GPR173: variants seen among roughly 807,000 people sequenced by gnomAD.
The protein encoded by GPR173 is probable G protein-coupled receptor 173.
Under a neutral mutation model 13.9 loss-of-function variants are expected in GPR173, and 2 were observed. That is an observed-to-expected ratio of 0.14 (90% CI 0.06 to 0.45). The LOEUF (loss-of-function observed/expected upper bound fraction) is 0.45. Ranked by LOEUF, GPR173 falls within the 20% of genes least tolerant of loss-of-function variation. The probability of loss-of-function intolerance (pLI) is 0.98; values close to 1 mark genes in which losing one functional copy is unlikely to be tolerated. For synonymous variants in GPR173, 131 were observed against 141.0 expected, an observed-to-expected ratio of 0.93 and a Z score of 0.50; for missense variants, 202 against 340.5, an observed-to-expected ratio of 0.59 and a Z score of 3.20.
At chrX:53,061,320 T>C (rs1932123852) in intron 1 of GPR173, among the ~76,000 whole-genome samples, 1 of 111,755 alleles carries the variant, frequency 8.9e-6, no homozygotes, top group Non-Finnish European at 1.9e-5. Flanking sequence ...GGTATCTACA[T>C]GCATGCCTAG....
intron 1 of GPR173, among the ~76,000 whole-genome samples, chrX:53,054,139 T>C (rs1333323275): frequency 2.2e-5 from 2 of 92,671 alleles, no homozygotes; most frequent in Non-Finnish European, 4.1e-5. Flanking sequence ...CTTAATAGAG[T>C]GTGTGTGTAT....
At chrX:53,075,470 G>A (rs782250671) in intron 1 of GPR173, among the ~76,000 whole-genome samples, 9 of 104,162 alleles carry the variant, frequency 8.6e-5, no homozygotes, top group South Asian at 9.0e-4. Flanking sequence ...CACAAGGGCC[G>A]GGATCTTTAT....
intron 1 of GPR173, among the ~76,000 whole-genome samples, chrX:53,073,118 G>A (rs369064991): frequency 3.7e-5 from 4 of 109,394 alleles, no homozygotes; most frequent in African/African-American, 1.3e-4. Context: ...CCGGCTACTC[G>A]GGAGGCTGAG....
rs185094070 is a variant in GPR173 at position 53,053,443 on chromosome X, A to C, written c.-98+3959A>C. 8.0e-5 allele frequency among the ~76,000 whole-genome samples: 9 copies of C among 112,936 alleles called. No individual in the cohort carries two copies. In the East Asian group the frequency reaches 2.2e-3, roughly 28 times the overall value. On this transcript the variant is annotated intron_variant, in intron 1 of 1. Coordinates refer to ENST00000332582, the MANE Select transcript of GPR173 (RefSeq NM_018969.6). ...GTATGTACCCCTGTGTTTGTGAGTG[A>C]ATGTACGTCATTCATGGGCATTATG...
chrX:53,050,250 G>A (rs1931939455), intron 1 of GPR173, among the ~76,000 whole-genome samples: 1 of 111,174 alleles, frequency 9.0e-6, no homozygotes, highest in Admixed American at 9.5e-5. Context: ...TTCTGTGGGG[G>A]CAAAGACCAA....
intron 1 of GPR173, among the ~76,000 whole-genome samples, chrX:53,070,021 G>A (rs2146680078): frequency 9.0e-6 from 1 of 110,890 alleles, no homozygotes; most frequent in South Asian, 3.8e-4. Context: ...ATGTGTGTGT[G>A]TATACACACA....
chrX:53,070,342 G>A (rs1171042714), intron 1 of GPR173, among the ~76,000 whole-genome samples: 1 of 111,570 alleles, frequency 9.0e-6, no homozygotes, highest in Non-Finnish European at 1.9e-5. Flanking sequence ...CATTGCATGT[G>A]TGTGAGTGTG....
chrX:53,058,097 A>G (rs1556803362), intron 1 of GPR173, among the ~76,000 whole-genome samples: 1 of 112,443 alleles, frequency 8.9e-6, no homozygotes, highest in African/African-American at 3.2e-5. Context: ...CATGTGAGAA[A>G]GGAAGCATGT....
intron 1 of GPR173, among the ~76,000 whole-genome samples, chrX:53,057,054 T>C (rs1932048613): frequency 8.9e-6 from 1 of 111,916 alleles, no homozygotes; most frequent in Non-Finnish European, 1.9e-5. Flanking sequence ...CAAAGCCCCA[T>C]TGTCTTATCT....
chrX:53,067,700 T>A (rs1024929496), intron 1 of GPR173, among the ~76,000 whole-genome samples: 2 of 110,413 alleles, frequency 1.8e-5, no homozygotes, highest in African/African-American at 6.6e-5. Flanking sequence ...GGCAGGTGCC[T>A]GTAGTCCCAG....
chrX:53,052,782 C>T, intron 1 of GPR173, among the ~76,000 whole-genome samples: 1 of 111,458 alleles, frequency 9.0e-6, no homozygotes, highest in Non-Finnish European at 1.9e-5. Context: ...TGTTGTAGAA[C>T]ACAATGTAAG....
intron 1 of GPR173, among the ~76,000 whole-genome samples, chrX:53,073,821 TAA>T (rs1306273918): frequency 4.2e-3 from 313 of 74,039 alleles, no homozygotes; most frequent in Non-Finnish European, 6.8e-3. Flanking sequence ...TTTATATATA[TAA>T]AAAAGTTTGT....
At chrX:53,061,613 T>C (rs1932126696) in intron 1 of GPR173, among the ~76,000 whole-genome samples, 2 of 111,736 alleles carry the variant, frequency 1.8e-5, no homozygotes, top group Non-Finnish European at 3.8e-5. Context: ...AAAAGGAATT[T>C]CTTACATTTT....
intron 1 of GPR173, among the ~76,000 whole-genome samples, chrX:53,056,960 G>A (rs1932047690): frequency 9.0e-6 from 1 of 111,566 alleles, no homozygotes; most frequent in Non-Finnish European, 1.9e-5. Context: ...GGATCTGCAA[G>A]GTCTCTGGAG....
At chrX:53,075,234 G>A (rs969849542) in intron 1 of GPR173, among the ~76,000 whole-genome samples, 19 of 106,557 alleles carry the variant, frequency 1.8e-4, no homozygotes, top group African/African-American at 6.5e-4. Context: ...TCTCTTCCCC[G>A]AGATATCCGC....
chrX:53,052,576 T>C (rs1175507514), intron 1 of GPR173, among the ~76,000 whole-genome samples: 5 of 105,678 alleles, frequency 4.7e-5, no homozygotes, highest in Non-Finnish European at 9.6e-5. Context: ...TACACATATG[T>C]CCACACACAT....
At chrX:53,076,429 C>CCTGTCTCTCTCTTGCCCTCATCTCT (rs1345110228) in intron 1 of GPR173, 96 bp from the exon 2 acceptor site, 16 of 370,083 alleles carry the variant, frequency 4.3e-5, no homozygotes, top group African/African-American at 7.7e-5. Flanking sequence ...TGTTTTTCTG[C>CCTGTCTCTCTCTTGCCCTCATCTCT]CTGTCTCTCT....
At chrX:53,062,944 C>G in intron 1 of GPR173, among the ~76,000 whole-genome samples, 1 of 111,901 alleles carries the variant, frequency 8.9e-6, no homozygotes, top group Non-Finnish European at 1.9e-5. Context: ...TATGGCTTTG[C>G]TGGGCTCAGT....
chrX:53,064,479 C>CA (rs1302709004), intron 1 of GPR173, among the ~76,000 whole-genome samples: 1 of 109,174 alleles, frequency 9.2e-6, no homozygotes, highest in Non-Finnish European at 1.9e-5. Flanking sequence ...GGCTGAGGCA[C>CA]AAAAATCACT....
Sources: gnomAD v4.1 joint callset for allele counts (sites outside exome capture counted in the v4.1 genomes callset) on GRCh38, gnomAD v4.1.1 for gene constraint, MANE v1.5 for transcripts, NCBI Gene and HGNC (gene_info 2026-07-23, HGNC 2026-07-21) for gene names.